The following KCNMA1 variants were observed in gnomAD, a reference collection of about 807,000 sequenced individuals.
KCNMA1 encodes the protein potassium calcium-activated channel subfamily M alpha 1.
A neutral mutation model predicts 140.0 loss-of-function variants in KCNMA1; 29 were observed. That is an observed-to-expected ratio of 0.21 (90% confidence interval 0.15 to 0.28). The LOEUF is 0.28. KCNMA1 is among the 10% of genes least tolerant of loss of function. The pLI is 1.00. For synonymous variants in KCNMA1, 612 were observed against 611.9 expected (o/e 1.00, Z 0.00); for missense variants, 880 against 1,602.2 (o/e 0.55, Z 7.70).
chr10:76,970,536 C>T, intron 19 of KCNMA1: 1 of 224,276 alleles, frequency 4.5e-6, no homozygotes, highest in Non-Finnish European at 8.9e-6. Context: ...TTAGCTGGTT[C>T]CTAACCCCTG....
intron 1 of KCNMA1, among the ~76,000 whole-genome samples, chr10:77,564,298 C>G (rs1352685165): frequency 6.6e-6 from 1 of 152,196 alleles, no homozygotes; most frequent in South Asian, 2.1e-4. Flanking sequence ...CATGGCCAGG[C>G]ATGGTGGCTC....
At chr10:76,951,666 T>C (rs1230276169) in intron 21 of KCNMA1, among the ~76,000 whole-genome samples, 1 of 152,232 alleles carries the variant, frequency 6.6e-6, no homozygotes, top group Non-Finnish European at 1.5e-5. Context: ...CCTGTCATTC[T>C]TATCTCTAGC....
intron 2 of KCNMA1, among the ~76,000 whole-genome samples, chr10:77,252,451 T>C (rs981097062): frequency 6.6e-6 from 1 of 152,122 alleles, no homozygotes; most frequent in African/African-American, 2.4e-5. Flanking sequence ...TGTCCATCTA[T>C]TGACATCTCT....
At chr10:77,146,250 C>T (rs1028041290) in intron 5 of KCNMA1, among the ~76,000 whole-genome samples, 1 of 152,136 alleles carries the variant, frequency 6.6e-6, no homozygotes, top group East Asian at 1.9e-4. Context: ...TTATTGATGC[C>T]TAAAATTCCC....
In KCNMA1 at chr10:77,120,959, G is replaced by A. The variant is rs201121820; in HGVS notation, c.884+14C>T. 2.2e-5 allele frequency: 33 copies of A among 1,513,070 alleles called. No individual in the cohort carries two copies. Among genetic ancestry groups the A allele is most frequent in the East Asian group, 9.0e-5 (4 of 44,356 alleles). 93.7% of individuals were successfully genotyped at this position (1,513,070 alleles called of 1,614,324 possible). On this transcript the variant is annotated intron_variant, in intron 6 of 27. Transcript: ENST00000286628. ...GGGACTGGAATGAAAAAAATATGAC[G>A]AAGAACATCTTACCTTGTTTTAAGA...
intron 23 of KCNMA1, among the ~76,000 whole-genome samples, chr10:76,922,001 G>C (rs935322035): frequency 6.6e-6 from 1 of 152,150 alleles, no homozygotes; most frequent in African/African-American, 2.4e-5. Context: ...ACCCCAACAG[G>C]GTAGAGGTAG....
chr10:77,280,016 C>G (rs931077967), intron 2 of KCNMA1, among the ~76,000 whole-genome samples: 1 of 152,200 alleles, frequency 6.6e-6, no homozygotes, highest in African/African-American at 2.4e-5. Context: ...TTCGAACCCA[C>G]AGTACATCCC....
At chr10:77,313,746 G>C (rs761655641) in intron 2 of KCNMA1, among the ~76,000 whole-genome samples, 6 of 152,184 alleles carry the variant, frequency 3.9e-5, no homozygotes, top group Admixed American at 6.5e-5. Flanking sequence ...GAACGGGATG[G>C]ATGAGGAAGT....
intron 5 of KCNMA1, among the ~76,000 whole-genome samples, chr10:77,182,654 C>T (rs1317736865): frequency 1.3e-5 from 2 of 152,288 alleles, no homozygotes; most frequent in Admixed American, 6.5e-5. Context: ...AAGGAACCCA[C>T]AAATAGTCCT....
Position 77,593,507 on chromosome 10 carries a change from A to C in KCNMA1, c.378+43758T>G, listed in dbSNP as rs568854416. Among the ~76,000 whole-genome samples the C allele has an allele frequency of 3.3e-5, 5 of 152,350 alleles. No homozygotes were observed. The East Asian group carries it at 9.6e-4, about 29-fold the overall frequency. On this transcript the variant is annotated intron_variant, in intron 1 of 27. Transcript: ENST00000286628. Reference sequence around the variant, plus strand: ...TATGGGCTCCTACCCCAAGTGAATCACCAGAATTGGAAATGGTAATTGTTA... The same window carrying C: ...TATGGGCTCCTACCCCAAGTGAATCCCCAGAATTGGAAATGGTAATTGTTA...
chr10:77,189,345 G>A (rs770984381), intron 3 of KCNMA1, among the ~76,000 whole-genome samples: 2 of 152,100 alleles, frequency 1.3e-5, no homozygotes, highest in Non-Finnish European at 2.9e-5. Context: ...TAATTGCTGG[G>A]ATCAAGGGGT....
chr10:77,437,243 C>T (rs978824895), intron 1 of KCNMA1, among the ~76,000 whole-genome samples: 1 of 151,562 alleles, frequency 6.6e-6, no homozygotes, highest in Non-Finnish European at 1.5e-5. Context: ...ACCTGGTGGA[C>T]AATAGGTGGG....
chr10:77,138,350 A>C (rs965136052), intron 5 of KCNMA1, among the ~76,000 whole-genome samples: 5 of 152,098 alleles, frequency 3.3e-5, no homozygotes, highest in African/African-American at 1.2e-4. Flanking sequence ...TCTTGACCTC[A>C]TGGGCTCAAA....
chr10:76,921,044 A>T (rs1300688791), intron 23 of KCNMA1, among the ~76,000 whole-genome samples: 1 of 152,192 alleles, frequency 6.6e-6, no homozygotes, highest in Non-Finnish European at 1.5e-5. Flanking sequence ...AGGGAGATGG[A>T]AATTCTTATC....
intron 2 of KCNMA1, among the ~76,000 whole-genome samples, chr10:77,265,290 GATCC>G (rs1328350880): frequency 2.0e-5 from 3 of 152,148 alleles, no homozygotes; most frequent in Non-Finnish European, 4.4e-5. Flanking sequence ...GACCTCAAAT[GATCC>G]AACCGCCTTG....
At chr10:77,636,985 C>CCAGCCG (rs1439994755) in intron 1 of KCNMA1, 6 of 1,409,712 alleles carry the variant, frequency 4.3e-6, no homozygotes, top group Admixed American at 6.5e-5. Context: ...GACCCCGGCC[C>CCAGCCG]CAGCCGCAGC....
At chr10:77,415,523 A>G (rs747405357) in intron 1 of KCNMA1, among the ~76,000 whole-genome samples, 8 of 152,238 alleles carry the variant, frequency 5.3e-5, no homozygotes, top group Non-Finnish European at 2.9e-5. Flanking sequence ...GCCCAGCAGG[A>G]AGGCAAAAAT....
chr10:77,498,910 A>G (rs2042846191), intron 1 of KCNMA1: 3 of 152,174 alleles, frequency 2.0e-5, no homozygotes, highest in African/African-American at 4.8e-5. Flanking sequence ...GCTGGACCTG[A>G]GTCCTGGCCC....
At chr10:77,296,779 CCACTCTAG>C (rs1244789747) in intron 2 of KCNMA1, among the ~76,000 whole-genome samples, 1 of 151,978 alleles carries the variant, frequency 6.6e-6, no homozygotes, top group Non-Finnish European at 1.5e-5. Flanking sequence ...AATGCTATCT[CCACTCTAG>C]CATGTGTCTG....
Sources: gnomAD v4.1 joint callset for allele counts (sites outside exome capture counted in the v4.1 genomes callset) on GRCh38, gnomAD v4.1.1 for gene constraint, MANE v1.5 for transcripts, NCBI Gene and HGNC (gene_info 2026-07-23, HGNC 2026-07-21) for gene names.